The following ZFYVE9 variants were observed in gnomAD, a reference collection of about 807,000 sequenced individuals.
ZFYVE9 encodes zinc finger FYVE-type containing 9, also known as zinc finger FYVE domain-containing protein 9.
A neutral mutation model predicts 126.7 loss-of-function variants in ZFYVE9; 43 were observed. The observed-to-expected ratio is 0.34, with a 90% CI of 0.27 to 0.44. ZFYVE9 has a LOEUF of 0.44. Among genes scored for constraint, ZFYVE9 ranks in the 20% least tolerant of loss-of-function variants. The pLI, the probability that ZFYVE9 is intolerant of heterozygous loss-of-function variation, is 1.00. For synonymous variants in ZFYVE9, 521 were observed against 597.4 expected, an observed-to-expected ratio of 0.87 and a Z score of 1.87; for missense variants, 1,476 against 1,697.0, an observed-to-expected ratio of 0.87 and a Z score of 2.29.
intron 12 of ZFYVE9, among the ~76,000 whole-genome samples, chr1:52,300,278 G>A (rs753740761): frequency 5.9e-5 from 9 of 152,028 alleles, no homozygotes; most frequent in Non-Finnish European, 8.8e-5. Context: ...TGTCACTGTC[G>A]TTTAGAGAGA....
chr1:52,309,322 C>T (rs924854457), intron 13 of ZFYVE9, among the ~76,000 whole-genome samples: 1 of 151,996 alleles, frequency 6.6e-6, no homozygotes, highest in Admixed American at 6.6e-5. Flanking sequence ...ACAAAAAATA[C>T]AAAAAATTAG....
chr1:52,315,814 G>A (rs1385640738), intron 13 of ZFYVE9, among the ~76,000 whole-genome samples: 1 of 152,166 alleles, frequency 6.6e-6, no homozygotes, highest in East Asian at 1.9e-4. Flanking sequence ...GGCAGAGATT[G>A]TGAGACTGAA....
At chr1:52,337,365 A>G (rs1173520959) in intron 15 of ZFYVE9, among the ~76,000 whole-genome samples, 11 of 152,234 alleles carry the variant, frequency 7.2e-5, no homozygotes, top group African/African-American at 2.7e-4. Flanking sequence ...TTATTTAGCA[A>G]ACATTTATTG....
intron 1 of ZFYVE9, chr1:52,162,493 C>A: frequency 3.9e-6 from 1 of 255,236 alleles, no homozygotes; most frequent in South Asian, 6.2e-5. Flanking sequence ...TTTGCCCTTA[C>A]CATAGCCTCC....
At chr1:52,243,993 A>G (rs116126193) in intron 4 of ZFYVE9, among the ~76,000 whole-genome samples, 200 of 152,300 alleles carry the variant, frequency 1.3e-3, no homozygotes, top group African/African-American at 4.4e-3. Flanking sequence ...CTTGGAAGTC[A>G]AAAGAGGAAT....
rs1645638252 is a variant in ZFYVE9, at chr1:52,266,808, T to G, written c.2432T>G (p.Val811Gly). The change falls in exon 6 of 19, where the codon GTT (valine) becomes GGT (glycine). Residue 811 changes from valine (V) to glycine (G), a missense_variant. Coordinates refer to ENST00000287727, the MANE Select transcript of ZFYVE9 (RefSeq NM_004799.4). ...CCCACTGTGATGGTACCTGTGGGAG[T>G]TTTAAAGCACCCTGGAGCAGAAGGT... The part of the protein sequence containing the change: ...PPPTVMVPVG[V>G]LKHPGAEVAQ... The G allele has an allele frequency of 3.1e-6, 5 of 1,603,516 alleles. No homozygotes were observed. Among genetic ancestry groups the G allele is most frequent in the Non-Finnish European group, 4.3e-6 (5 of 1,175,956 alleles).
chr1:52,330,744 G>A (rs1315793428), intron 13 of ZFYVE9, among the ~76,000 whole-genome samples: 1 of 152,138 alleles, frequency 6.6e-6, no homozygotes. Flanking sequence ...CCTGTATCTT[G>A]TGCTTTCCTC....
At chr1:52,148,990 ACT>A (rs1480288732) in intron 1 of ZFYVE9, among the ~76,000 whole-genome samples, 15 of 96,896 alleles carry the variant, frequency 1.5e-4, no homozygotes, top group African/African-American at 4.5e-4. Context: ...TTTGAGATAG[ACT>A]CTCGCTCTGT....
chr1:52,263,350 C>T (rs1445241914), intron 4 of ZFYVE9, among the ~76,000 whole-genome samples: 1 of 152,006 alleles, frequency 6.6e-6, no homozygotes, highest in Non-Finnish European at 1.5e-5. Context: ...AGGATAGTAA[C>T]AAACAGAAGT....
intron 1 of ZFYVE9, among the ~76,000 whole-genome samples, chr1:52,180,897 C>T (rs1240937761): frequency 6.7e-6 from 1 of 149,796 alleles, no homozygotes; most frequent in African/African-American, 2.5e-5. Context: ...ATCACTTGAA[C>T]CTGGGAGGCG....
At chr1:52,297,761 C>T (rs1306370121) in intron 12 of ZFYVE9, among the ~76,000 whole-genome samples, 1 of 149,608 alleles carries the variant, frequency 6.7e-6, no homozygotes, top group African/African-American at 2.5e-5. Flanking sequence ...CTCGCACTGT[C>T]GCCTGGGCTG....
At chr1:52,342,899 A>G (rs184442735) in intron 17 of ZFYVE9, among the ~76,000 whole-genome samples, 110 of 149,928 alleles carry the variant, frequency 7.3e-4, no homozygotes, top group African/African-American at 2.5e-3. Context: ...TCCACTTTAC[A>G]GAGGCAAATT....
At chr1:52,311,367 C>T (rs1295898822) in intron 13 of ZFYVE9, among the ~76,000 whole-genome samples, 1 of 150,580 alleles carries the variant, frequency 6.6e-6, no homozygotes, top group African/African-American at 2.4e-5. Context: ...TAGGTTCAAG[C>T]GATTCTCCTG....
chr1:52,293,119 C>T (rs1229373813), intron 10 of ZFYVE9, among the ~76,000 whole-genome samples: 1 of 151,956 alleles, frequency 6.6e-6, no homozygotes, highest in Non-Finnish European at 1.5e-5. Flanking sequence ...TGGCTCATGC[C>T]TGTAATCCCA....
chr1:52,325,507 G>A (rs1350838124), intron 13 of ZFYVE9, among the ~76,000 whole-genome samples: 3 of 152,086 alleles, frequency 2.0e-5, no homozygotes, highest in East Asian at 3.9e-4. Flanking sequence ...ACGAGAAGGC[G>A]AGACTGTCTC....
At chr1:52,283,201 T>A (rs1426637415) in intron 10 of ZFYVE9, among the ~76,000 whole-genome samples, 1 of 152,200 alleles carries the variant, frequency 6.6e-6, no homozygotes, top group Non-Finnish European at 1.5e-5. Context: ...TCAATCTGAA[T>A]GTATTCACTT....
intron 1 of ZFYVE9, among the ~76,000 whole-genome samples, chr1:52,202,663 T>A (rs988959203): frequency 6.8e-4 from 103 of 151,904 alleles, no homozygotes; most frequent in South Asian, 1.2e-3. Flanking sequence ...AGCAATTTTT[T>A]TAAAAAAAAT....
chr1:52,330,662 A>AC (rs1392852977), intron 13 of ZFYVE9, among the ~76,000 whole-genome samples: 1 of 152,082 alleles, frequency 6.6e-6, no homozygotes, highest in African/African-American at 2.4e-5. Flanking sequence ...CACTTTCATC[A>AC]CCATCTTGGT....
At chr1:52,302,018 G>A (rs535730883) in intron 12 of ZFYVE9, among the ~76,000 whole-genome samples, 6 of 152,058 alleles carry the variant, frequency 3.9e-5, no homozygotes, top group Non-Finnish European at 8.8e-5. Context: ...TTATACTTGG[G>A]TCTTTTAAGA....
Sources: allele counts gnomAD v4.1 joint callset (sites outside exome capture counted in the v4.1 genomes callset), GRCh38; gene constraint gnomAD v4.1.1; transcripts MANE v1.5; gene names NCBI Gene and HGNC (gene_info 2026-07-23, HGNC 2026-07-21).